Variants in BMPR1B observed in about 807,000 individuals in gnomAD.
The protein encoded by BMPR1B is bone morphogenetic protein receptor type-1B.
BMPR1B carries 12 observed loss-of-function variants against 59.1 expected under a neutral mutation model. The observed-to-expected ratio is 0.20, with a 90% CI of 0.13 to 0.33. BMPR1B has a LOEUF of 0.33. Among genes scored for constraint, BMPR1B ranks in the 10% least tolerant of loss-of-function variants. The probability of loss-of-function intolerance (pLI) is 1.00; values close to 1 mark genes in which losing one functional copy is unlikely to be tolerated. For missense variants in BMPR1B, 550 were observed against 610.9 expected (o/e 0.90, Z 1.05); for synonymous variants, 237 against 207.3 (o/e 1.14, Z -1.23).
chr4:94,912,205 A>T (rs1204746781), intron 2 of BMPR1B, among the ~76,000 whole-genome samples: 1 of 152,136 alleles, frequency 6.6e-6, no homozygotes. Flanking sequence ...CCCTCCAACA[A>T]CATATGGGAA....
At chr4:94,873,752 TA>T (rs1726599969) in intron 1 of BMPR1B, among the ~76,000 whole-genome samples, 1 of 152,182 alleles carries the variant, frequency 6.6e-6, no homozygotes, top group East Asian at 1.9e-4. Context: ...TTATGTGTCT[TA>T]TTGCGTTTAA....
chr4:95,031,728 G>C (rs1490201782), intron 3 of BMPR1B, among the ~76,000 whole-genome samples: 2 of 152,154 alleles, frequency 1.3e-5, no homozygotes, highest in East Asian at 3.9e-4. Flanking sequence ...TGGTATCCTG[G>C]AAATCCAGGT....
At position 95,050,548 on chromosome 4, in the gene BMPR1B, G is replaced by A. The variant is rs866576457; in HGVS notation, c.-17-53860G>A. On this transcript the variant is annotated intron_variant, in intron 3 of 12. Coordinates refer to ENST00000515059, the MANE Select transcript of BMPR1B (RefSeq NM_001203.3). ...ACCTAGAGGAATAGTGCTGGGAGGT[G>A]CAGGATGGGGTCAGGAGTAGGGGCA... Among the ~76,000 whole-genome samples, 12 of 152,282 alleles carry A rather than the reference G, an allele frequency of 7.9e-5. No individual in the cohort carries two copies. In the South Asian group the frequency reaches 8.3e-4, roughly 11 times the overall value.
intron 1 of BMPR1B, among the ~76,000 whole-genome samples, chr4:94,771,341 G>A (rs1279534907): frequency 6.6e-6 from 1 of 152,154 alleles, no homozygotes; most frequent in Non-Finnish European, 1.5e-5. Flanking sequence ...AATGTTGGAG[G>A]TCTGTTAGAG....
chr4:94,957,602 T>C (rs150260264), intron 2 of BMPR1B, among the ~76,000 whole-genome samples: 160 of 152,190 alleles, frequency 1.1e-3, no homozygotes, highest in African/African-American at 3.7e-3. Context: ...GGCCCACCTT[T>C]CTACTGTTCC....
Position 95,141,382 on chromosome 4 carries a change from A to G in BMPR1B, c.1077-7366A>G, listed in dbSNP as rs566049155. On this transcript the variant is annotated intron_variant, in intron 10 of 12. Coordinates refer to ENST00000515059, the MANE Select transcript of BMPR1B (RefSeq NM_001203.3). ...TGACTTCATATGAGAACTTCCTGTG[A>G]GACAGTCTCTGTGTAATGGTAAGTG... 2.0e-5 allele frequency among the ~76,000 whole-genome samples: 3 copies of G among 152,290 alleles called. No homozygotes were observed. The East Asian group carries it at 5.8e-4, about 29-fold the overall frequency.
intron 3 of BMPR1B, among the ~76,000 whole-genome samples, chr4:95,022,618 G>A (rs1005845046): frequency 1.3e-5 from 2 of 151,846 alleles, no homozygotes; most frequent in African/African-American, 2.4e-5. Context: ...CTATTTCTGA[G>A]CTTTAATGTT....
intron 2 of BMPR1B, among the ~76,000 whole-genome samples, chr4:94,932,033 G>C (rs980232562): frequency 2.6e-5 from 4 of 152,108 alleles, no homozygotes; most frequent in African/African-American, 9.7e-5. Context: ...TTCATGCCAG[G>C]AAGCCAAAAA....
chr4:95,095,989 T>A (rs996938033), intron 3 of BMPR1B, among the ~76,000 whole-genome samples: 1 of 151,630 alleles, frequency 6.6e-6, no homozygotes, highest in South Asian at 2.1e-4. Context: ...TTTTGTAACA[T>A]TGTACTCTTG....
Position 94,981,842 on chromosome 4 carries a change from A to G in BMPR1B, c.-112-14198A>G, listed in dbSNP as rs1396332370. On this transcript the variant is annotated intron_variant, in intron 2 of 12. Coordinates refer to ENST00000515059, the MANE Select transcript of BMPR1B (RefSeq NM_001203.3). ...CCAATAGTTTCAGTAAATCAGCTTCACTTTTCAGAATATTTCCCAGTTGAA... is the reference window on the plus strand; with the variant it reads ...CCAATAGTTTCAGTAAATCAGCTTCGCTTTTCAGAATATTTCCCAGTTGAA... Among the ~76,000 whole-genome samples the G allele has an allele frequency of 2.6e-5, 4 of 152,316 alleles. No individual in the cohort carries two copies. In the East Asian group the frequency reaches 5.8e-4, roughly 22 times the overall value.
intron 3 of BMPR1B, among the ~76,000 whole-genome samples, chr4:95,026,678 A>AT (rs1375528692): frequency 7.5e-5 from 11 of 146,524 alleles, no homozygotes; most frequent in Middle Eastern, 3.5e-3. Flanking sequence ...TGAAAGGAAG[A>AT]TTTTTCCCCT....
intron 1 of BMPR1B, among the ~76,000 whole-genome samples, chr4:94,778,713 A>G (rs1013110821): frequency 2.0e-5 from 3 of 152,136 alleles, no homozygotes; most frequent in Non-Finnish European, 4.4e-5. Flanking sequence ...ATACTTGCTA[A>G]TATCCAGGTT....
At chr4:94,764,414 C>T (rs899784885) in intron 1 of BMPR1B, among the ~76,000 whole-genome samples, 21 of 152,168 alleles carry the variant, frequency 1.4e-4, no homozygotes, top group Non-Finnish European at 2.9e-4. Context: ...TTTCCAGATT[C>T]TGGTAATCTC....
chr4:94,945,876 T>A (rs1019609267), intron 2 of BMPR1B, among the ~76,000 whole-genome samples: 9 of 152,206 alleles, frequency 5.9e-5, no homozygotes, highest in Admixed American at 2.0e-4. Context: ...CATACTTTTT[T>A]AAAAAATTAA....
At chr4:95,146,380 T>C (rs1238278615) in intron 10 of BMPR1B, among the ~76,000 whole-genome samples, 1 of 152,176 alleles carries the variant, frequency 6.6e-6, no homozygotes, top group Admixed American at 6.5e-5. Flanking sequence ...TGTCACAAAT[T>C]TTAATTCTAT....
chr4:94,949,308 CTTT>C (rs1216699208), intron 2 of BMPR1B, among the ~76,000 whole-genome samples: 2 of 81,928 alleles, frequency 2.4e-5, no homozygotes, highest in Non-Finnish European at 2.5e-5. Flanking sequence ...TGAACTCATT[CTTT>C]TTTTTTTTTT....
At chr4:94,945,236 TTTG>T (rs1445271450) in intron 2 of BMPR1B, among the ~76,000 whole-genome samples, 3 of 152,220 alleles carry the variant, frequency 2.0e-5, no homozygotes, top group Non-Finnish European at 4.4e-5. Context: ...GTTTTGAAAC[TTTG>T]ACTAGATTTC....
chr4:95,089,953 A>C (rs1044018354), intron 3 of BMPR1B, among the ~76,000 whole-genome samples: 31 of 152,174 alleles, frequency 2.0e-4, no homozygotes, highest in Admixed American at 1.1e-3. Context: ...AATTAGGGGA[A>C]TACTAGTAAA....
intron 3 of BMPR1B, among the ~76,000 whole-genome samples, chr4:95,072,119 A>G (rs755666434): frequency 6.6e-6 from 1 of 152,182 alleles, no homozygotes; most frequent in Non-Finnish European, 1.5e-5. Flanking sequence ...GTGCAAAGAA[A>G]GGAAAAAAAG....
Sources: allele counts gnomAD v4.1 joint callset (sites outside exome capture counted in the v4.1 genomes callset), GRCh38; gene constraint gnomAD v4.1.1; transcripts MANE v1.5; gene names NCBI Gene and HGNC (gene_info 2026-07-23, HGNC 2026-07-21).